ZNF804B: variants seen among roughly 807,000 people sequenced by gnomAD.
The protein encoded by ZNF804B is zinc finger 804B.
Under a neutral mutation model 101.4 loss-of-function variants are expected in ZNF804B, and 80 were observed. That is an observed-to-expected ratio of 0.79 (90% CI 0.66 to 0.95). The LOEUF is 0.95. ZNF804B is among the 40% of genes least tolerant of loss of function. The pLI is 0.00. For synonymous variants in ZNF804B, 622 were observed against 558.8 expected, an observed-to-expected ratio of 1.11 and a Z score of -1.59; for missense variants, 1,673 against 1,561.9, an observed-to-expected ratio of 1.07 and a Z score of -1.20.
At chr7:89,119,226 G>A (rs1387585767) in intron 1 of ZNF804B, among the ~76,000 whole-genome samples, 1 of 152,066 alleles carries the variant, frequency 6.6e-6, no homozygotes, top group Admixed American at 6.6e-5. Context: ...CTTATCAAGG[G>A]ACATTAAAAA....
chr7:89,159,894 A>T (rs971807295), intron 1 of ZNF804B, among the ~76,000 whole-genome samples: 4 of 152,140 alleles, frequency 2.6e-5, no homozygotes, highest in Admixed American at 2.6e-4. Flanking sequence ...TATCCTTTGT[A>T]CAAGGCCACT....
chr7:89,058,536 AAG>A (rs2116277655), intron 1 of ZNF804B, among the ~76,000 whole-genome samples: 1 of 152,260 alleles, frequency 6.6e-6, no homozygotes, highest in South Asian at 2.1e-4. Flanking sequence ...ATTTAGAAAC[AAG>A]CATTTTTTAA....
chr7:89,155,516 C>G (rs1790945302), intron 1 of ZNF804B, among the ~76,000 whole-genome samples: 1 of 152,158 alleles, frequency 6.6e-6, no homozygotes, highest in African/African-American at 2.4e-5. Flanking sequence ...CTGTCCTGTA[C>G]TCTGCTGTCA....
chr7:89,110,263 T>C (rs1369179250), intron 1 of ZNF804B, among the ~76,000 whole-genome samples: 1 of 152,128 alleles, frequency 6.6e-6, no homozygotes, highest in Non-Finnish European at 1.5e-5. Context: ...TCAATAATAC[T>C]AATTCATGAG....
At chr7:88,879,025 A>G (rs1481510806) in intron 1 of ZNF804B, among the ~76,000 whole-genome samples, 1 of 152,186 alleles carries the variant, frequency 6.6e-6, no homozygotes, top group Non-Finnish European at 1.5e-5. Flanking sequence ...TTCACGATGA[A>G]AAGGGAGAAG....
At chr7:89,068,562 C>T (rs764634042) in intron 1 of ZNF804B, among the ~76,000 whole-genome samples, 2 of 152,086 alleles carry the variant, frequency 1.3e-5, no homozygotes, top group Non-Finnish European at 2.9e-5. Context: ...CTCTTTTATG[C>T]AAGGCATTGG....
intron 2 of ZNF804B, among the ~76,000 whole-genome samples, chr7:89,240,663 T>G (rs533146790): frequency 6.6e-6 from 1 of 152,208 alleles, no homozygotes; most frequent in Admixed American, 6.6e-5. Context: ...TTGATTTTTC[T>G]TCTTTACCTT....
chr7:88,842,312 C>CA (rs1791302178), intron 1 of ZNF804B, among the ~76,000 whole-genome samples: 1 of 152,160 alleles, frequency 6.6e-6, no homozygotes, highest in South Asian at 2.1e-4. Flanking sequence ...TCTGCTTCAG[C>CA]CATTGTCATT....
intron 1 of ZNF804B, chr7:88,794,726 A>C (rs1259435271): frequency 6.2e-7 from 1 of 1,613,442 alleles, no homozygotes; most frequent in Admixed American, 1.7e-5. Context: ...ACTGACTGAA[A>C]CATTTGTTCA....
chr7:89,087,708 T>C (rs1789827219), intron 1 of ZNF804B, among the ~76,000 whole-genome samples: 1 of 151,960 alleles, frequency 6.6e-6, no homozygotes, highest in African/African-American at 2.4e-5. Context: ...AAGTATTTCA[T>C]TTATGTTTAT....
intron 1 of ZNF804B, among the ~76,000 whole-genome samples, chr7:88,969,850 A>G (rs1265301348): frequency 6.6e-6 from 1 of 151,658 alleles, no homozygotes; most frequent in Non-Finnish European, 1.5e-5. Context: ...TATAAATTGC[A>G]TAAATATTAG....
intron 1 of ZNF804B, among the ~76,000 whole-genome samples, chr7:88,804,124 CT>C (rs1242320569): frequency 6.6e-6 from 1 of 152,014 alleles, no homozygotes; most frequent in African/African-American, 2.4e-5. Flanking sequence ...AAAAATAGAT[CT>C]GGTAAAATAG....
intron 1 of ZNF804B, among the ~76,000 whole-genome samples, chr7:88,835,614 A>G (rs1791201393): frequency 6.6e-6 from 1 of 151,902 alleles, no homozygotes; most frequent in Non-Finnish European, 1.5e-5. Context: ...ATTTAAAGGA[A>G]AAGTTACAAT....
At chr7:88,825,198 C>T (rs1275220338) in intron 1 of ZNF804B, among the ~76,000 whole-genome samples, 1 of 152,040 alleles carries the variant, frequency 6.6e-6, no homozygotes, top group African/African-American at 2.4e-5. Context: ...ATCTCATTTT[C>T]CAGAATCACA....
At chr7:89,019,195 G>C (rs1350472785) in intron 1 of ZNF804B, among the ~76,000 whole-genome samples, 1 of 151,832 alleles carries the variant, frequency 6.6e-6, no homozygotes, top group African/African-American at 2.4e-5. Context: ...ATTTTAATTT[G>C]TTTCAATAAT....
chr7:89,079,619 G>A (rs1234088499), intron 1 of ZNF804B, among the ~76,000 whole-genome samples: 1 of 151,866 alleles, frequency 6.6e-6, no homozygotes, highest in East Asian at 1.9e-4. Context: ...GCATTAAAAA[G>A]GGTGAAAAAT....
At chr7:88,794,620 T>C (rs1163877278) in intron 1 of ZNF804B, 1 of 1,613,570 alleles carries the variant, frequency 6.2e-7, no homozygotes, top group Non-Finnish European at 8.5e-7. Flanking sequence ...AAGAACTTTG[T>C]AGAGAGTGTC....
At chr7:89,158,788 C>A (rs1478364817) in intron 1 of ZNF804B, among the ~76,000 whole-genome samples, 1 of 152,054 alleles carries the variant, frequency 6.6e-6, no homozygotes, top group East Asian at 1.9e-4. Flanking sequence ...ATTAAAAATT[C>A]CCTTTTGTGA....
At chr7:88,794,419 A>G (rs375981756) in intron 1 of ZNF804B, 7 of 1,613,668 alleles carry the variant, frequency 4.3e-6, no homozygotes, top group Middle Eastern at 1.6e-4. Context: ...AGTTTGTGTG[A>G]GAAAATCTGT....
Sources: gnomAD v4.1 joint callset for allele counts (sites outside exome capture counted in the v4.1 genomes callset) on GRCh38, gnomAD v4.1.1 for gene constraint, MANE v1.5 for transcripts, NCBI Gene and HGNC (gene_info 2026-07-23, HGNC 2026-07-21) for gene names.